RPS6KA1: variants seen among roughly 807,000 people sequenced by gnomAD.
The protein encoded by RPS6KA1 is ribosomal protein S6 kinase alpha-1.
RPS6KA1 carries 48 observed loss-of-function variants against 91.3 expected under a neutral mutation model. That is an observed-to-expected ratio of 0.53 (90% CI 0.42 to 0.67). The LOEUF is 0.67. Ranked by LOEUF, RPS6KA1 falls within the 30% of genes least tolerant of loss-of-function variation. The pLI is 0.00. For missense variants in RPS6KA1, 719 were observed against 960.5 expected (o/e 0.75, Z 3.32); for synonymous variants, 359 against 384.7 (o/e 0.93, Z 0.78).
At chr1:26,545,332 C>T (rs1051260394) in intron 2 of RPS6KA1, among the ~76,000 whole-genome samples, 12 of 83,528 alleles carry the variant, frequency 1.4e-4, no homozygotes, top group African/African-American at 5.6e-4. Context: ...CCACGCCTGG[C>T]CAATTTTTTT....
intron 1 of RPS6KA1, chr1:26,531,041 T>G: frequency 2.1e-6 from 1 of 480,272 alleles, no homozygotes; most frequent in Non-Finnish European, 3.0e-6. Flanking sequence ...TGCCCTCTCT[T>G]ACCTAGGGCA....
intron 14 of RPS6KA1, 96 bp downstream of exon 14, chr1:26,559,033 A>C: frequency 3.4e-5 from 50 of 1,451,790 alleles, no homozygotes; most frequent in Middle Eastern, 1.8e-4. Flanking sequence ...TCATACCCTC[A>C]TGCCACTGTG....
At position 26,555,564 on chromosome 1, in the gene RPS6KA1, G is replaced by A. The variant is rs1464900140; in HGVS notation, c.855G>A (p.Leu285=). Residue 285 remains leucine, a synonymous_variant, in exon 11 of 22, where the codon CTG becomes CTA. Coordinates refer to ENST00000374168, the MANE Select transcript of RPS6KA1 (RefSeq NM_002953.4). The surrounding 1 kb of genome is among the most constrained non-coding windows in gnomAD (Gnocchi z 4.3). ...CGAAGCTAGGCATGCCCCAGTTTCT[G>A]AGCACTGAAGCCCAGAGCCTCTTGC... is the stretch of plus-strand genomic sequence containing the variant. ...LKAKLGMPQF[L]STEAQSLLRA... 5.6e-6 allele frequency: 9 copies of A among 1,600,056 alleles called. No homozygotes were observed. Among genetic ancestry groups the A allele is most frequent in the Non-Finnish European group, 7.7e-6 (9 of 1,172,708 alleles).
intron 14 of RPS6KA1, among the ~76,000 whole-genome samples, chr1:26,560,505 C>T (rs2076144421): frequency 6.6e-6 from 1 of 152,200 alleles, no homozygotes; most frequent in Non-Finnish European, 1.5e-5. Context: ...GGCTGCAGTC[C>T]AGGCAGGCTG....
chr1:26,534,828 G>C lies in RPS6KA1; in HGVS notation c.64-2097G>C, dbSNP rs1455565671. ...TGCAAAACCTACATTCCTAGTTATT[G>C]TGCTGGGCAGTTGAAGATGATGGCC... is the stretch of plus-strand genomic sequence containing the variant. On this transcript the variant is annotated intron_variant, in intron 1 of 21. Coordinates refer to ENST00000374168, the MANE Select transcript of RPS6KA1 (RefSeq NM_002953.4). Among the ~76,000 whole-genome samples the C allele has an allele frequency of 3.3e-5, 5 of 152,284 alleles. No individual in the cohort carries two copies. The East Asian group carries it at 5.8e-4, about 18-fold the overall frequency.
chr1:26,557,225 G>A (rs1292050022), intron 13 of RPS6KA1, 125 bp downstream of exon 13: 13 of 707,548 alleles, frequency 1.8e-5, no homozygotes, highest in East Asian at 5.4e-5. Context: ...GTGGGCAGGC[G>A]GGTGAGTTTC....
rs761483634 is a variant in RPS6KA1, at chr1:26,554,729, G to A, written c.747G>A (p.Gly249=). ...HSHSADWWSY[G]VLMFEMLTGS... ...ATAGTGCGGACTGGTGGTCCTATGG[G>A]GTGTTGATGGTGAGTGCCCAGACAG... The change falls in exon 9 of 22, where the codon GGG becomes GGA. Residue 249 remains glycine, a synonymous_variant. Transcript: ENST00000374168. This position sits in a 1 kb window ranked among gnomAD's most constrained non-coding sequence, Gnocchi z 4.6. 6.4e-5 allele frequency: 103 copies of A among 1,600,090 alleles called. No individual in the cohort carries two copies. The Middle Eastern group carries it at 9.9e-4, about 15-fold the overall frequency.
intron 17 of RPS6KA1, among the ~76,000 whole-genome samples, chr1:26,569,081 A>G (rs1257424744): frequency 6.6e-6 from 1 of 151,742 alleles, no homozygotes; most frequent in Non-Finnish European, 1.5e-5. Flanking sequence ...ATTCCAGCTA[A>G]CTGGGAAGCT....
intron 2 of RPS6KA1, among the ~76,000 whole-genome samples, chr1:26,542,951 G>A (rs2075960167): frequency 6.6e-6 from 1 of 152,084 alleles, no homozygotes; most frequent in African/African-American, 2.4e-5. Context: ...GGAGAGGTGT[G>A]CCCCTGGGCC....
rs2075938912 is a variant in RPS6KA1 at position 26,540,460 on chromosome 1, G to T, written c.108+3491G>T. On this transcript the variant is annotated intron_variant, in intron 2 of 21. Transcript: ENST00000374168. This position sits in a 1 kb window ranked among gnomAD's most constrained non-coding sequence, Gnocchi z 4.2. ...AACATTTGTTCATCCTCAGGACCCA[G>T]CTGGGCTGCCCCTCTCTGGAAGGTC... 6.6e-6 allele frequency among the ~76,000 whole-genome samples: 1 copy of T among 152,310 alleles called. No homozygotes were observed. The highest frequency in any genetic ancestry group is 1.9e-4 in the East Asian group (1 of 5,190).
chr1:26,560,504 C>A (rs1445492638), intron 14 of RPS6KA1, among the ~76,000 whole-genome samples: 1 of 152,244 alleles, frequency 6.6e-6, no homozygotes, highest in African/African-American at 2.4e-5. Context: ...AGGCTGCAGT[C>A]CAGGCAGGCT....
rs905346509 is a variant in RPS6KA1 at position 26,543,344 on chromosome 1, T to C, written c.109-3523T>C. On this transcript the variant is annotated intron_variant, in intron 2 of 21. Coordinates refer to ENST00000374168, the MANE Select transcript of RPS6KA1 (RefSeq NM_002953.4). ...GTTTCCTGTCTCTGTCCCCAGGGAG[T>C]GCTCTCAGTCAGAGGCAGACAGGTG... The C allele has an allele frequency of 4.0e-6, 3 of 750,286 alleles. No individual in the cohort carries two copies. In the African/African-American group the frequency reaches 5.2e-5, roughly 13 times the overall value. The allele number at this position is 750,286 out of a possible 1,614,324, so 46.5% of individuals were successfully genotyped here. A position where few individuals can be genotyped will look rare whatever the true frequency, so the allele number is the denominator to read the frequency against.
chr1:26,567,460 A>G (rs571699515), intron 17 of RPS6KA1, among the ~76,000 whole-genome samples: 1 of 152,238 alleles, frequency 6.6e-6, no homozygotes, highest in East Asian at 1.9e-4. Context: ...GGCTCACTGC[A>G]ACCTCCGCCT....
In RPS6KA1 at chr1:26,558,773, CA is replaced by C. The variant is rs1383839567; in HGVS notation, c.1085-33del. 10 of 1,580,982 alleles carry C rather than the reference CA, an allele frequency of 6.3e-6. No homozygotes were observed. The highest frequency in any genetic ancestry group is 8.7e-6 in the Non-Finnish European group (10 of 1,154,614). On this transcript the variant is annotated intron_variant, in intron 13 of 21. Coordinates refer to ENST00000374168, the MANE Select transcript of RPS6KA1 (RefSeq NM_002953.4). The surrounding 1 kb of genome is among the most constrained non-coding windows in gnomAD (Gnocchi z 4.0). ...TGCCTCAGGGTCGAGGGGACCTCCT[CA>C]GGTACCCTCACATTCTCCTTCCATC...
intron 14 of RPS6KA1, 140 bp downstream of exon 14, chr1:26,559,077 A>C: frequency 2.1e-6 from 2 of 974,266 alleles, no homozygotes; most frequent in Non-Finnish European, 3.0e-6. Context: ...AAACAGGGAC[A>C]GTAAGGCCCA....
chr1:26,546,749 C>T (rs919662281), intron 2 of RPS6KA1, 118 bp from the exon 3 acceptor site: 94 of 712,268 alleles, frequency 1.3e-4, no homozygotes, highest in Admixed American at 2.7e-4. Flanking sequence ...TCAGGGAAGT[C>T]GTCTATTGGG....
Position 26,530,729 on chromosome 1 carries a change from G to A in RPS6KA1, c.63+746G>A, listed in dbSNP as rs919521966. On this transcript the variant is annotated intron_variant, in intron 1 of 21. Coordinates refer to ENST00000374168, the MANE Select transcript of RPS6KA1 (RefSeq NM_002953.4). ...CAGCCCAGACTCCCCAGACAACCCA[G>A]CTCCTTCTCTCTCAGAAGCAGCTCC... is the stretch of plus-strand genomic sequence containing the variant. 4 of 1,280,684 alleles carry A rather than the reference G, an allele frequency of 3.1e-6. No homozygotes were observed. In the African/African-American group the frequency reaches 6.1e-5, roughly 19 times the overall value. The allele number at this position is 1,280,684 out of a possible 1,614,324, so 79.3% of individuals were successfully genotyped here. A position where few individuals can be genotyped will look rare whatever the true frequency, so the allele number is the denominator to read the frequency against.
chr1:26,561,624 C>T lies in RPS6KA1; in HGVS notation c.1551C>T (p.His517=). 1 of 1,612,988 alleles carries T rather than the reference C, an allele frequency of 6.2e-7. No homozygotes were observed. The highest frequency in any genetic ancestry group is 8.5e-7 in the Non-Finnish European group (1 of 1,179,408). ...AGCGGGAGGCCAGCTTTGTCCTGCA[C>T]ACCATTGGCAAAACTGTGGAGTATC... is the stretch of plus-strand genomic sequence containing the variant. ...FSEREASFVL[H]TIGKTVEYLH... The change falls in exon 17 of 22, where the codon CAC becomes CAT. Residue 517 remains histidine, a synonymous_variant. Coordinates refer to ENST00000374168, the MANE Select transcript of RPS6KA1 (RefSeq NM_002953.4). The surrounding 1 kb of genome is among the most constrained non-coding windows in gnomAD (Gnocchi z 5.7).
chr1:26,545,752 T>C, intron 2 of RPS6KA1: 1 of 1,166,304 alleles, frequency 8.6e-7, no homozygotes, highest in Non-Finnish European at 1.1e-6. Context: ...GGCCTGGTGC[T>C]GGGAAACCAC....
Sources: gnomAD v4.1 joint callset for allele counts (sites outside exome capture counted in the v4.1 genomes callset) on GRCh38, gnomAD v4.1.1 for gene constraint, Gnocchi (gnomAD v3.1) non-coding constraint, MANE v1.5 for transcripts, NCBI Gene and HGNC (gene_info 2026-07-23, HGNC 2026-07-21) for gene names.